Variants in RAD54L2 observed in about 807,000 individuals in gnomAD.
RAD54L2 encodes the protein RAD54 like 2.
In RAD54L2, 27 loss-of-function variants were observed where a neutral mutation model predicts 138.4. The ratio of observed to expected loss-of-function variants is 0.20; its 90% confidence interval spans 0.14 to 0.27. The LOEUF (loss-of-function observed/expected upper bound fraction) is 0.27. Among genes scored for constraint, RAD54L2 ranks in the 10% least tolerant of loss-of-function variants. The pLI is 1.00. For missense variants in RAD54L2, 1,396 were observed against 1,890.2 expected (o/e 0.74, Z 4.85); for synonymous variants, 644 against 723.2 (o/e 0.89, Z 1.76).
At chr3:51,591,905 T>C (rs911251993) in intron 3 of RAD54L2, among the ~76,000 whole-genome samples, 2 of 152,126 alleles carry the variant, frequency 1.3e-5, no homozygotes, top group African/African-American at 4.8e-5. Flanking sequence ...CTTCTTGGAA[T>C]TCTCTTTTCC....
At chr3:51,641,927 T>TA in intron 15 of RAD54L2, 60 bp downstream of exon 15, 1 of 1,169,726 alleles carries the variant, frequency 8.5e-7, no homozygotes, top group Middle Eastern at 1.9e-4. Context: ...GGGTTTCCTT[T>TA]CCTTCTCTCT....
intron 7 of RAD54L2, among the ~76,000 whole-genome samples, chr3:51,632,858 A>G (rs1217661028): frequency 6.8e-6 from 1 of 147,586 alleles, no homozygotes; most frequent in Non-Finnish European, 1.5e-5. Context: ...GCGCCTTTGC[A>G]CTCCAGCTTG....
intron 16 of RAD54L2, among the ~76,000 whole-genome samples, chr3:51,644,649 G>A (rs960860155): frequency 7.9e-5 from 12 of 152,186 alleles, no homozygotes; most frequent in African/African-American, 1.9e-4. Context: ...TTCTGCCATC[G>A]TAATGCCCTT....
Position 51,629,228 on chromosome 3 carries a change from C to T in RAD54L2, c.342-106C>T, listed in dbSNP as rs1700773623. 3 of 1,289,628 alleles carry T rather than the reference C, an allele frequency of 2.3e-6. No homozygotes were observed. The Admixed American group carries it at 7.4e-5, about 32-fold the overall frequency. The allele number at this position is 1,289,628 out of a possible 1,614,324, so 79.9% of individuals were successfully genotyped here. ...GGGGCTGATGTGGCTTCTCCTTCTC[C>T]CGCCTCGACTCTGAGATCATCAATG... is the stretch of plus-strand genomic sequence containing the variant. On this transcript the variant is annotated intron_variant, in intron 4 of 22. Coordinates refer to ENST00000684192, the MANE Select transcript of RAD54L2 (RefSeq NM_015106.4).
chr3:51,609,347 G>A (rs1290112400), intron 3 of RAD54L2, among the ~76,000 whole-genome samples: 2 of 152,192 alleles, frequency 1.3e-5, no homozygotes, highest in African/African-American at 4.8e-5. Flanking sequence ...AATGATGCTT[G>A]CTTTATCCCT....
rs1302168078 is a variant in RAD54L2 at position 51,630,556 on chromosome 3, A to G, written c.599-149A>G. On this transcript the variant is annotated intron_variant, in intron 6 of 22. Transcript: ENST00000684192. ...AAGTTTTTTGCTTGTCTTAACTTGA[A>G]GCTGAAAGAGAGAAATAGTAAAAGT... The G allele has an allele frequency of 4.1e-6, 4 of 973,330 alleles. No homozygotes were observed. The African/African-American group carries it at 6.6e-5, about 16-fold the overall frequency. 60.3% of individuals were successfully genotyped at this position (973,330 alleles called of 1,614,324 possible). A position where few individuals can be genotyped will look rare whatever the true frequency, so the allele number is the denominator to read the frequency against.
At chr3:51,596,238 C>CT (rs1357157666) in intron 3 of RAD54L2, among the ~76,000 whole-genome samples, 1 of 149,142 alleles carries the variant, frequency 6.7e-6, no homozygotes. Context: ...TTACTTCACT[C>CT]TTTAAGCCTG....
At chr3:51,624,612 GTTACT>G (rs1700636433) in intron 3 of RAD54L2, among the ~76,000 whole-genome samples, 1 of 152,080 alleles carries the variant, frequency 6.6e-6, no homozygotes, top group South Asian at 2.1e-4. Flanking sequence ...ACCCTTAGAG[GTTACT>G]ACAATTGTTC....
chr3:51,627,710 A>G lies in RAD54L2; in HGVS notation c.297A>G (p.Lys99=). The change falls in exon 4 of 23, where the codon AAA becomes AAG. Residue 99 remains lysine (K), a synonymous_variant. Coordinates refer to ENST00000684192, the MANE Select transcript of RAD54L2 (RefSeq NM_015106.4). ...AGAACCTAGCCTCCGAGGACCCCAA[A>G]AAGAAGAGAGCTCAGAAGCCCTCCC... The part of the protein sequence containing the change: ...QGKNLASEDP[K]KKRAQKPSHM... 6.2e-7 allele frequency: 1 copy of G among 1,613,850 alleles called. No homozygotes were observed. Among genetic ancestry groups the G allele is most frequent in the East Asian group, 2.2e-5 (1 of 44,866 alleles).
intron 3 of RAD54L2, among the ~76,000 whole-genome samples, chr3:51,592,592 C>CT (rs556907857): frequency 1.9e-3 from 279 of 143,544 alleles, no homozygotes; most frequent in African/African-American, 5.2e-3. Context: ...CCTCTTAAAG[C>CT]TTTTTTTTTT....
chr3:51,590,700 G>A, intron 3 of RAD54L2, 141 bp downstream of exon 3: 1 of 1,120,240 alleles, frequency 8.9e-7, no homozygotes, highest in Non-Finnish European at 1.3e-6. Context: ...GAGATGCAAT[G>A]AATTCAGATG....
intron 7 of RAD54L2, among the ~76,000 whole-genome samples, chr3:51,631,393 C>G (rs1700837746): frequency 6.7e-6 from 1 of 149,748 alleles, no homozygotes. Flanking sequence ...TGAAGACAGA[C>G]ATTGACTCAG....
At chr3:51,566,624 T>C (rs1699226259) in intron 2 of RAD54L2, among the ~76,000 whole-genome samples, 1 of 151,790 alleles carries the variant, frequency 6.6e-6, no homozygotes, top group Admixed American at 6.6e-5. Flanking sequence ...CCACCATCTT[T>C]TCTGCATTTT....
chr3:51,549,875 C>CCTAT (rs1161417345), intron 2 of RAD54L2, among the ~76,000 whole-genome samples: 2 of 152,146 alleles, frequency 1.3e-5, no homozygotes, highest in African/African-American at 4.8e-5. Context: ...GTCTCCACAC[C>CCTAT]CTATCTCTTC....
chr3:51,584,910 A>G (rs981820309), intron 2 of RAD54L2, among the ~76,000 whole-genome samples: 1 of 151,734 alleles, frequency 6.6e-6, no homozygotes, highest in Admixed American at 6.6e-5. Context: ...GGCTCAAGTG[A>G]TTCTCCCACC....
intron 2 of RAD54L2, among the ~76,000 whole-genome samples, chr3:51,580,834 C>T (rs1448381333): frequency 1.3e-5 from 2 of 152,102 alleles, no homozygotes; most frequent in Non-Finnish European, 1.5e-5. Flanking sequence ...GCATAGAGTG[C>T]CCAAGTCACT....
At chr3:51,606,247 A>G (rs1673302719) in intron 3 of RAD54L2, among the ~76,000 whole-genome samples, 2 of 152,228 alleles carry the variant, frequency 1.3e-5, no homozygotes, top group African/African-American at 4.8e-5. Flanking sequence ...GAAGACTCAC[A>G]TGGTCAAATT....
chr3:51,654,022 T>C (rs936528599), intron 19 of RAD54L2, among the ~76,000 whole-genome samples: 1 of 152,146 alleles, frequency 6.6e-6, no homozygotes, highest in African/African-American at 2.4e-5. Flanking sequence ...AGGTTTTAGG[T>C]AAGACATTGA....
At chr3:51,623,145 T>G (rs1700603027) in intron 3 of RAD54L2, among the ~76,000 whole-genome samples, 1 of 152,200 alleles carries the variant, frequency 6.6e-6, no homozygotes, top group South Asian at 2.1e-4. Context: ...GGCTGGTTTG[T>G]AGTAGTCTCA....
Sources: allele counts gnomAD v4.1 joint callset (sites outside exome capture counted in the v4.1 genomes callset), GRCh38; gene constraint gnomAD v4.1.1; transcripts MANE v1.5; gene names NCBI Gene and HGNC (gene_info 2026-07-23, HGNC 2026-07-21).